Variants in CABIN1 observed in about 807,000 individuals in gnomAD.
The protein encoded by CABIN1 is calcineurin-binding protein cabin-1.
CABIN1 carries 133 observed loss-of-function variants against 227.7 expected under a neutral mutation model. The ratio of observed to expected loss-of-function variants is 0.58; its 90% CI spans 0.51 to 0.67. The LOEUF is 0.67. CABIN1 is among the 30% of genes least tolerant of loss of function. CABIN1 has a pLI of 0.00. For missense variants in CABIN1, 2,408 were observed against 2,852.5 expected (o/e 0.84, Z 3.55); for synonymous variants, 1,086 against 1,155.1 (o/e 0.94, Z 1.21).
intron 29 of CABIN1, among the ~76,000 whole-genome samples, chr22:24,154,939 C>T (rs2045693281): frequency 6.6e-6 from 1 of 152,016 alleles, no homozygotes; most frequent in African/African-American, 2.4e-5. Context: ...GGTCTGAGGC[C>T]CCTGGGTGTC....
At chr22:24,049,831 C>T (rs1318669475) in intron 7 of CABIN1, among the ~76,000 whole-genome samples, 2 of 152,154 alleles carry the variant, frequency 1.3e-5, no homozygotes, top group Non-Finnish European at 2.9e-5. Flanking sequence ...CTCATGCCAT[C>T]TTCCCACCTC....
Position 24,119,668 on chromosome 22 carries a change from C to G in CABIN1, c.4602C>G (p.Ala1534=), listed in dbSNP as rs1358216032. The change falls in exon 28 of 37, where the codon GCC becomes GCG. Residue 1534 remains alanine, a synonymous_variant. Coordinates refer to ENST00000263119, the MANE Select transcript of CABIN1 (RefSeq NM_012295.4). ...PQHYKSLYRL[A]FLYTYSKTHR... is the part of the protein sequence containing the mutation. ...ACTATAAGAGTCTCTACCGTCTGGC[C>G]TTCCTCTACACCTACAGCAAGACCC... 1 of 1,613,948 alleles carries G rather than the reference C, an allele frequency of 6.2e-7. No homozygotes were observed. Among genetic ancestry groups the G allele is most frequent in the African/African-American group, 1.3e-5 (1 of 74,952 alleles).
chr22:24,094,786 C>A (rs1262087333), intron 24 of CABIN1, among the ~76,000 whole-genome samples: 2 of 145,492 alleles, frequency 1.4e-5, no homozygotes, highest in African/African-American at 5.1e-5. Flanking sequence ...CACTGCAGTC[C>A]GCAGTCCGGC....
At chr22:24,149,005 C>G (rs569202047) in intron 29 of CABIN1, among the ~76,000 whole-genome samples, 1 of 152,326 alleles carries the variant, frequency 6.6e-6, no homozygotes, top group South Asian at 2.1e-4. Context: ...CCACACACAA[C>G]TTTTTTCCTA....
At chr22:24,091,225 C>T (rs546265721) in intron 23 of CABIN1, among the ~76,000 whole-genome samples, 3 of 152,260 alleles carry the variant, frequency 2.0e-5, no homozygotes, top group South Asian at 2.1e-4. Context: ...TCTTCAGTGC[C>T]GTAGGGCTGG....
At chr22:24,130,649 C>T (rs1716455398) in intron 28 of CABIN1, among the ~76,000 whole-genome samples, 1 of 152,102 alleles carries the variant, frequency 6.6e-6, no homozygotes, top group South Asian at 2.1e-4. Context: ...AGTCTCTGCC[C>T]CCTCCCCTAC....
At chr22:24,120,968 G>A (rs1373835672) in intron 28 of CABIN1, among the ~76,000 whole-genome samples, 1 of 152,204 alleles carries the variant, frequency 6.6e-6, no homozygotes, top group Non-Finnish European at 1.5e-5. Context: ...CTGTATTGTA[G>A]GGGACAGCAT....
chr22:24,039,495 C>T (rs1239174633), intron 4 of CABIN1, among the ~76,000 whole-genome samples: 1 of 152,216 alleles, frequency 6.6e-6, no homozygotes. Context: ...ACCTCCTCCT[C>T]TCCTGTTAGT....
chr22:24,064,669 C>T (rs538496231), intron 15 of CABIN1, among the ~76,000 whole-genome samples: 2 of 151,508 alleles, frequency 1.3e-5, no homozygotes, highest in Admixed American at 6.6e-5. Context: ...TGCGGCCTTC[C>T]GCAGTGTTTG....
At chr22:24,151,934 C>G (rs1255913919) in intron 29 of CABIN1, among the ~76,000 whole-genome samples, 2 of 152,228 alleles carry the variant, frequency 1.3e-5, no homozygotes, top group Non-Finnish European at 2.9e-5. Context: ...GGCTGGGTCA[C>G]TGCCCATCCA....
chr22:24,033,898 G>A (rs572909521), intron 1 of CABIN1, among the ~76,000 whole-genome samples: 1 of 152,146 alleles, frequency 6.6e-6, no homozygotes, highest in Non-Finnish European at 1.5e-5. Context: ...TAAACCCCTT[G>A]GTAGTTGCTC....
intron 27 of CABIN1, among the ~76,000 whole-genome samples, chr22:24,115,557 T>G (rs1287953912): frequency 2.0e-5 from 3 of 152,186 alleles, no homozygotes; most frequent in South Asian, 2.1e-4. Flanking sequence ...TAAGAGCAGG[T>G]ATGGCAGGGA....
rs368900283 is a variant in CABIN1 at position 24,141,883 on chromosome 22, T to G, written c.4746+7468T>G. On this transcript the variant is annotated intron_variant, in intron 29 of 36. Coordinates refer to ENST00000263119, the MANE Select transcript of CABIN1 (RefSeq NM_012295.4). ...GTTTCTTGAAAACATTTATGCCCTG[T>G]GCTGTCCCAGCCCTGGAGCCTGAGT... Among the ~76,000 whole-genome samples, 9 of 152,302 alleles carry G rather than the reference T, an allele frequency of 5.9e-5. No individual in the cohort carries two copies. The East Asian group carries it at 7.7e-4, about 13-fold the overall frequency.
Position 24,059,349 on chromosome 22 carries a change from C to T in CABIN1, c.1385C>T (p.Thr462Ile), listed in dbSNP as rs2039027635. The change falls in exon 11 of 37, where the codon ACA becomes ATA. Residue 462 changes from threonine (T) to isoleucine (I), a missense_variant. Physicochemically the swap from Thr to Ile is moderately conservative, Grantham distance 89. This residue lies in a region of CABIN1 where 1,045 missense variants were observed against 1,168.4 expected (regional missense o/e 0.89). Transcript: ENST00000263119. ...GPQRLSFDSA[T>I]FMESEKQDVH... Reference sequence around the variant, plus strand: ...CAAAGGCTGTCATTTGACTCAGCCACATTCATGGAATCTGGTAGGAATCGA... The same window carrying T: ...CAAAGGCTGTCATTTGACTCAGCCATATTCATGGAATCTGGTAGGAATCGA... The T allele has an allele frequency of 1.2e-6, 2 of 1,614,082 alleles. No individual in the cohort carries two copies. The highest frequency in any genetic ancestry group is 1.1e-5 in the South Asian group (1 of 91,084).
At position 24,067,088 on chromosome 22, in the gene CABIN1, C is replaced by T. The variant is rs1035205285; in HGVS notation, c.2139C>T (p.Arg713=). ...GDYKAVVHLL[R]PTLCTSGFDR... ...ACAAGGCTGTTGTGCATCTGCTCCG[C>T]CCCACTTTGTGCACCAGTGGGTTTG... The change falls in exon 16 of 37, where the codon CGC becomes CGT. Residue 713 remains arginine (R), a synonymous_variant. Coordinates refer to ENST00000263119, the MANE Select transcript of CABIN1 (RefSeq NM_012295.4). 2 of 1,614,198 alleles carry T rather than the reference C, an allele frequency of 1.2e-6. No homozygotes were observed. The highest frequency in any genetic ancestry group is 1.7e-6 in the Non-Finnish European group (2 of 1,180,012).
rs1436709723 is a variant in CABIN1 at position 24,091,670 on chromosome 22, G to A, written c.3613G>A (p.Glu1205Lys). 4 of 1,614,248 alleles carry A rather than the reference G, an allele frequency of 2.5e-6. No homozygotes were observed. Among genetic ancestry groups the A allele is most frequent in the Admixed American group, 1.7e-5 (1 of 60,030 alleles). Residue 1205 changes from glutamate (E) to lysine (K), a missense_variant, in exon 24 of 37, where the codon GAG becomes AAG. Physicochemically the swap from Glu to Lys is moderately conservative, Grantham distance 56. This residue lies in a region of CABIN1 where 649 missense variants were observed against 910.3 expected (regional missense o/e 0.71). Transcript: ENST00000263119. Reference sequence around the variant, plus strand: ...CTGCGAGGGTGATGGTGACGAGGAGGAGTGGCTCATCCACTACATGCTGGG... The same window carrying A: ...CTGCGAGGGTGATGGTGACGAGGAGAAGTGGCTCATCCACTACATGCTGGG... Reference protein sequence around the residue: ...ARCEGDGDEEEWLIHYMLGKV... With the variant: ...ARCEGDGDEEKWLIHYMLGKV...
chr22:24,160,681 G>A (rs1475942340), intron 29 of CABIN1, among the ~76,000 whole-genome samples: 5 of 152,240 alleles, frequency 3.3e-5, no homozygotes, highest in Non-Finnish European at 7.3e-5. Context: ...GCTGGAGACA[G>A]CATGAGCCAT....
At chr22:24,138,008 A>G (rs765377873) in intron 29 of CABIN1, among the ~76,000 whole-genome samples, 1 of 152,160 alleles carries the variant, frequency 6.6e-6, no homozygotes, top group African/African-American at 2.4e-5. Flanking sequence ...GGAGGTTGAG[A>G]CTGGGGACAT....
intron 1 of CABIN1, among the ~76,000 whole-genome samples, chr22:24,034,794 G>T (rs756773562): frequency 6.6e-6 from 1 of 152,188 alleles, no homozygotes; most frequent in Non-Finnish European, 1.5e-5. Flanking sequence ...AGACTAGTCT[G>T]CCTATCTCTA....
Sources: allele counts gnomAD v4.1 joint callset (sites outside exome capture counted in the v4.1 genomes callset), GRCh38; gene constraint gnomAD v4.1.1; regional missense constraint gnomAD v4.1.1; transcripts MANE v1.5; gene names NCBI Gene and HGNC (gene_info 2026-07-23, HGNC 2026-07-21).